MCUB: variants seen among roughly 807,000 people sequenced by gnomAD.
MCUB encodes mitochondrial calcium uniporter dominant negative subunit beta.
A neutral mutation model predicts 41.4 loss-of-function variants in MCUB; 46 were observed. That is an observed-to-expected ratio of 1.11 (90% CI 0.88 to 1.42). The LOEUF is 1.42. Among genes scored for constraint, MCUB ranks in the 40% most tolerant of loss-of-function variants. The pLI is 0.00. For synonymous variants in MCUB, 148 were observed against 148.2 expected (o/e 1.00, Z 0.01); for missense variants, 403 against 404.9 (o/e 1.00, Z 0.04).
intron 1 of MCUB, among the ~76,000 whole-genome samples, chr4:109,630,443 C>A (rs971572126): frequency 1.3e-5 from 2 of 152,106 alleles, no homozygotes; most frequent in African/African-American, 4.8e-5. Context: ...GCCTGGGTGA[C>A]ACAGTGAGAC....
intron 1 of MCUB, among the ~76,000 whole-genome samples, chr4:109,599,963 C>G (rs145010241): frequency 8.4e-4 from 128 of 152,300 alleles, no homozygotes; most frequent in Middle Eastern, 6.8e-3. Flanking sequence ...AGCCACCGCA[C>G]CCCATGTTGA....
Position 109,671,791 on chromosome 4 carries a change from A to C in MCUB, c.451+7397A>C, listed in dbSNP as rs1415692830. Among the ~76,000 whole-genome samples the C allele has an allele frequency of 2.6e-5, 4 of 152,014 alleles. No individual in the cohort carries two copies. The East Asian group carries it at 7.7e-4, about 29-fold the overall frequency. On this transcript the variant is annotated intron_variant, in intron 4 of 7. Transcript: ENST00000394650. ...TTCTTTGCCTTTTAGCTTGTCTTTA[A>C]ATTTTTTGCTGAAAGCTAGACATGA...
At chr4:109,636,517 A>C (rs920412623) in intron 1 of MCUB, among the ~76,000 whole-genome samples, 1 of 152,176 alleles carries the variant, frequency 6.6e-6, no homozygotes, top group East Asian at 1.9e-4. Context: ...AATCCAACGG[A>C]ATGTGATGTC....
chr4:109,655,751 G>GGT (rs1158241060), intron 1 of MCUB, among the ~76,000 whole-genome samples: 2 of 151,824 alleles, frequency 1.3e-5, no homozygotes, highest in African/African-American at 2.4e-5. Flanking sequence ...GGCAGCAGGG[G>GGT]GTGTGTGTGT....
At chr4:109,619,705 C>T (rs1036028617) in intron 1 of MCUB, among the ~76,000 whole-genome samples, 3 of 151,922 alleles carry the variant, frequency 2.0e-5, no homozygotes, top group African/African-American at 7.3e-5. Context: ...GACTCTGTCT[C>T]GAGAAAGAAA....
rs540205287 is a variant in MCUB, at chr4:109,597,630, G to C, written c.99+37194G>C. Among the ~76,000 whole-genome samples, 1,245 of 142,460 alleles carry C rather than the reference G, an allele frequency of 8.7e-3. 5 individuals are homozygous for C. The highest frequency in any genetic ancestry group is 0.011 in the Admixed American group (165 of 14,428). The allele number at this position is 142,460 out of a possible 152,430, so 93.5% of individuals were successfully genotyped here. ...TCCCGGATGGGGCAGCTGGCCGGGC[G>C]GGGGGCTGACTCCCCCACCTCCCTC... On this transcript the variant is annotated intron_variant, in intron 1 of 7. Transcript: ENST00000394650.
chr4:109,564,380 T>C (rs531578375), intron 1 of MCUB, among the ~76,000 whole-genome samples: 3 of 151,908 alleles, frequency 2.0e-5, no homozygotes, highest in African/African-American at 7.2e-5. Context: ...CCTCGTGATC[T>C]GCCCACCTTG....
rs1729203597 is a variant in MCUB, at chr4:109,660,369, TA to T, written c.346+5del. 1 of 1,552,968 alleles carries T rather than the reference TA, an allele frequency of 6.4e-7. No homozygotes were observed. Among genetic ancestry groups the T allele is most frequent in the African/African-American group, 1.4e-5 (1 of 73,228 alleles). On this transcript the variant is annotated splice_donor_5th_base_variant and intron_variant, in intron 3 of 7. Coordinates refer to ENST00000394650, the MANE Select transcript of MCUB (RefSeq NM_017918.5). ...ACTGCAGCCATCTTCACAGCAGGTATATATGTATATAATTTTACAACTTTGT... is the reference window on the plus strand; with the variant it reads ...ACTGCAGCCATCTTCACAGCAGGTATTATGTATATAATTTTACAACTTTGT...
chr4:109,634,754 T>C (rs1728552436), intron 1 of MCUB, among the ~76,000 whole-genome samples: 2 of 152,208 alleles, frequency 1.3e-5, no homozygotes, highest in Non-Finnish European at 1.5e-5. Context: ...TTAAATTATT[T>C]TAGGCAGATA....
intron 1 of MCUB, among the ~76,000 whole-genome samples, chr4:109,598,093 C>A (rs369906775): frequency 1.3e-5 from 2 of 148,180 alleles, no homozygotes; most frequent in African/African-American, 5.0e-5. Context: ...CGGACGGAGA[C>A]GCTCCTCACT....
At chr4:109,599,251 G>C (rs150105774) in intron 1 of MCUB, among the ~76,000 whole-genome samples, 2 of 152,228 alleles carry the variant, frequency 1.3e-5, no homozygotes, top group African/African-American at 4.8e-5. Flanking sequence ...AACTTGTTTT[G>C]CATAGTTTCC....
Position 109,662,644 on chromosome 4 carries a change from C to T in MCUB, c.347-1646C>T, listed in dbSNP as rs1047559059. On this transcript the variant is annotated intron_variant, in intron 3 of 7. Coordinates refer to ENST00000394650, the MANE Select transcript of MCUB (RefSeq NM_017918.5). ...ATCACTAGTGCTTAAAAATGTTTCA[C>T]GTCAGTCTTTTGCTATTCATACCTT... Among the ~76,000 whole-genome samples, 41 of 152,098 alleles carry T rather than the reference C, an allele frequency of 2.7e-4. 1 individual carries two copies. The highest frequency in any genetic ancestry group is 7.2e-5 in the African/African-American group (3 of 41,404).
At chr4:109,567,658 T>C (rs1726814068) in intron 1 of MCUB, among the ~76,000 whole-genome samples, 1 of 151,932 alleles carries the variant, frequency 6.6e-6, no homozygotes, top group Non-Finnish European at 1.5e-5. Flanking sequence ...AAACAAAGTG[T>C]TTGTTTCCTA....
chr4:109,617,045 T>C (rs556544685), intron 1 of MCUB, among the ~76,000 whole-genome samples: 1 of 141,708 alleles, frequency 7.1e-6, no homozygotes, highest in East Asian at 2.0e-4. Flanking sequence ...TGTCCTTCTT[T>C]GTCCTAACCA....
intron 1 of MCUB, among the ~76,000 whole-genome samples, chr4:109,585,504 G>T (rs988817345): frequency 9.2e-5 from 14 of 152,224 alleles, no homozygotes; most frequent in Admixed American, 3.9e-4. Flanking sequence ...ATGTTAGCTG[G>T]TTATTTTACC....
chr4:109,587,539 G>A (rs1464010364), intron 1 of MCUB, among the ~76,000 whole-genome samples: 18 of 152,172 alleles, frequency 1.2e-4, no homozygotes, highest in Non-Finnish European at 1.6e-4. Flanking sequence ...CGTCTTCTGC[G>A]TCAATCACGC....
chr4:109,632,454 A>G (rs1319815483), intron 1 of MCUB, among the ~76,000 whole-genome samples: 1 of 152,178 alleles, frequency 6.6e-6, no homozygotes, highest in Non-Finnish European at 1.5e-5. Flanking sequence ...GACAGCAGTA[A>G]TAATTTATTG....
At chr4:109,625,638 A>C (rs935098754) in intron 1 of MCUB, among the ~76,000 whole-genome samples, 2 of 152,238 alleles carry the variant, frequency 1.3e-5, no homozygotes. Flanking sequence ...GAATGAACTC[A>C]TCATAAGCTA....
intron 1 of MCUB, among the ~76,000 whole-genome samples, chr4:109,582,152 A>G (rs974671203): frequency 6.6e-6 from 1 of 152,052 alleles, no homozygotes. Flanking sequence ...GATAGACCGG[A>G]TTAAGAAAAT....
Sources: gnomAD v4.1 joint callset for allele counts (sites outside exome capture counted in the v4.1 genomes callset) on GRCh38, gnomAD v4.1.1 for gene constraint, MANE v1.5 for transcripts, NCBI Gene and HGNC (gene_info 2026-07-23, HGNC 2026-07-21) for gene names.